The following SBF2 variants were observed in gnomAD, a reference collection of about 807,000 sequenced individuals.
SBF2 encodes the protein SET binding factor 2, also known as myotubularin-related protein 13.
A neutral mutation model predicts 225.2 loss-of-function variants in SBF2; 112 were observed. That is an observed-to-expected ratio of 0.50 (90% CI 0.43 to 0.58). The LOEUF is 0.58. SBF2 is among the 20% of genes least tolerant of loss of function. The pLI is 0.00. For synonymous variants in SBF2, 763 were observed against 773.3 expected (o/e 0.99, Z 0.22); for missense variants, 1,996 against 2,206.2 (o/e 0.90, Z 1.91).
intron 17 of SBF2, among the ~76,000 whole-genome samples, 168 bp from the exon 18 acceptor site, chr11:9,858,564 A>G (rs1857486872): frequency 6.6e-6 from 1 of 152,188 alleles, no homozygotes; most frequent in East Asian, 1.9e-4. Flanking sequence ...TTAACTGGCA[A>G]CTGTGGGCTT....
Position 10,083,328 on chromosome 11 carries a change from A to G in SBF2, c.142-40347T>C, listed in dbSNP as rs151259957. ...CTGACAAAAGCAGTCTACAGATTCA[A>G]TGCAATCCCTATCCAAATACGAACA... On this transcript the variant is annotated intron_variant, in intron 2 of 39. Coordinates refer to ENST00000256190, the MANE Select transcript of SBF2 (RefSeq NM_030962.4). 2.3e-4 allele frequency among the ~76,000 whole-genome samples: 35 copies of G among 152,336 alleles called. 1 individual carries two copies. In the East Asian group the frequency reaches 6.7e-3, roughly 29 times the overall value.
At chr11:9,940,169 T>C (rs1392790297) in intron 16 of SBF2, among the ~76,000 whole-genome samples, 1 of 152,058 alleles carries the variant, frequency 6.6e-6, no homozygotes, top group Non-Finnish European at 1.5e-5. Flanking sequence ...TTTGGAAGGC[T>C]GAGGCAGGCG....
In SBF2 at chr11:9,998,298, G is replaced by T; in HGVS notation, c.943C>A (p.Leu315Ile). The T allele has an allele frequency of 6.2e-7, 1 of 1,604,478 alleles. No individual in the cohort carries two copies. Among genetic ancestry groups the T allele is most frequent in the Non-Finnish European group, 8.5e-7 (1 of 1,171,474 alleles). Residue 315 changes from leucine (L) to isoleucine (I), a missense_variant, in exon 9 of 40, where the codon CTT becomes ATT. Physicochemically the swap from Leu to Ile is conservative, Grantham distance 5. Coordinates refer to ENST00000256190, the MANE Select transcript of SBF2 (RefSeq NM_030962.4). Reference protein sequence around the residue: ...CIHLSSLPEPLLHQTQSALSL... With the variant: ...CIHLSSLPEPILHQTQSALSL... ...AGAGCTGATTGAGTCTGATGTAGAAGTGGTTCTGGGAGGGAAGAGAGGTGA... is the reference window on the plus strand; with the variant it reads ...AGAGCTGATTGAGTCTGATGTAGAATTGGTTCTGGGAGGGAAGAGAGGTGA...
At chr11:10,112,979 C>T (rs1334848479) in intron 2 of SBF2, among the ~76,000 whole-genome samples, 1 of 152,096 alleles carries the variant, frequency 6.6e-6, no homozygotes, top group Non-Finnish European at 1.5e-5. Context: ...TCATAGAGAT[C>T]ATTCTCTTAT....
chr11:10,060,039 A>C (rs1042961243), intron 2 of SBF2, among the ~76,000 whole-genome samples: 1 of 152,174 alleles, frequency 6.6e-6, no homozygotes, highest in African/African-American at 2.4e-5. Flanking sequence ...ATCAGAGCTA[A>C]ACTGAAGGAC....
At chr11:9,851,659 C>T (rs1856964194) in intron 21 of SBF2, among the ~76,000 whole-genome samples, 1 of 152,146 alleles carries the variant, frequency 6.6e-6, no homozygotes, top group Admixed American at 6.5e-5. Flanking sequence ...GAGTTTAGAG[C>T]TAAATGTAAA....
At chr11:9,853,749 T>G (rs769132097) in intron 19 of SBF2, 37 bp from the exon 20 acceptor site, 1 of 1,585,304 alleles carries the variant, frequency 6.3e-7, no homozygotes, top group Non-Finnish European at 8.7e-7. Context: ...GGTCAGTACT[T>G]AAATGCAACA....
At chr11:10,182,373 T>C (rs966748703) in intron 2 of SBF2, among the ~76,000 whole-genome samples, 3 of 152,198 alleles carry the variant, frequency 2.0e-5, no homozygotes, top group Non-Finnish European at 4.4e-5. Context: ...TATTTAAATA[T>C]ACACCTCTCT....
intron 26 of SBF2, among the ~76,000 whole-genome samples, chr11:9,834,949 T>C (rs1334691077): frequency 6.6e-6 from 1 of 152,134 alleles, no homozygotes; most frequent in East Asian, 1.9e-4. Context: ...GATCTATGGC[T>C]CTCTCCTGCT....
chr11:10,007,233 G>C (rs1020604053), intron 6 of SBF2, among the ~76,000 whole-genome samples: 1 of 152,124 alleles, frequency 6.6e-6, no homozygotes, highest in African/African-American at 2.4e-5. Context: ...GCCCTATTCA[G>C]GATAATAGGA....
intron 13 of SBF2, among the ~76,000 whole-genome samples, chr11:9,969,192 C>A (rs1443669469): frequency 1.3e-5 from 2 of 152,224 alleles, no homozygotes; most frequent in African/African-American, 4.8e-5. Context: ...TAACACCCAA[C>A]TATCCATTCC....
At chr11:10,053,693 T>C (rs1180988280) in intron 2 of SBF2, among the ~76,000 whole-genome samples, 1 of 151,428 alleles carries the variant, frequency 6.6e-6, no homozygotes, top group Non-Finnish European at 1.5e-5. Context: ...CATAAGAGGC[T>C]GCAATGAGCT....
chr11:9,981,505 CTT>C (rs1465522079), intron 13 of SBF2, among the ~76,000 whole-genome samples: 1 of 152,140 alleles, frequency 6.6e-6, no homozygotes, highest in Non-Finnish European at 1.5e-5. Context: ...CAAAAGTTTA[CTT>C]GATTTATAAT....
intron 2 of SBF2, among the ~76,000 whole-genome samples, chr11:10,192,384 G>A (rs561850647): frequency 7.2e-5 from 11 of 152,162 alleles, no homozygotes; most frequent in African/African-American, 2.7e-4. Flanking sequence ...TTAATTTTCA[G>A]TGAAGCAAAA....
intron 2 of SBF2, among the ~76,000 whole-genome samples, chr11:10,152,473 T>TG (rs1025584953): frequency 9.9e-5 from 15 of 151,162 alleles, no homozygotes; most frequent in Non-Finnish European, 1.8e-4. Flanking sequence ...CGCTTGAACC[T>TG]GGGGGGCGGA....
At chr11:10,218,599 C>T (rs1175880248) in intron 1 of SBF2, among the ~76,000 whole-genome samples, 1 of 152,120 alleles carries the variant, frequency 6.6e-6, no homozygotes, top group Non-Finnish European at 1.5e-5. Flanking sequence ...ACCTACGAGC[C>T]TGTAAAATCA....
intron 1 of SBF2, among the ~76,000 whole-genome samples, chr11:10,201,754 G>C (rs571113550): frequency 1.3e-5 from 2 of 152,318 alleles, no homozygotes; most frequent in African/African-American, 4.8e-5. Flanking sequence ...CCAGCACTTT[G>C]GGAGGCCAAG....
At chr11:9,833,578 C>G (rs972129357) in intron 26 of SBF2, among the ~76,000 whole-genome samples, 15 of 151,566 alleles carry the variant, frequency 9.9e-5, no homozygotes, top group African/African-American at 1.9e-4. Context: ...CTGCCACCAT[C>G]CCTGGCTAAT....
At chr11:9,878,424 TTTG>T (rs1859467767) in intron 17 of SBF2, among the ~76,000 whole-genome samples, 1 of 152,322 alleles carries the variant, frequency 6.6e-6, no homozygotes, top group South Asian at 2.1e-4. Flanking sequence ...TATTTTGGCT[TTTG>T]TTGCCATTGC....
Sources: gnomAD v4.1 joint callset for allele counts (sites outside exome capture counted in the v4.1 genomes callset) on GRCh38, gnomAD v4.1.1 for gene constraint, MANE v1.5 for transcripts, NCBI Gene and HGNC (gene_info 2026-07-23, HGNC 2026-07-21) for gene names.